NFIA: variants seen among roughly 807,000 people sequenced by gnomAD.
NFIA encodes nuclear factor 1 A-type.
In NFIA, 8 loss-of-function variants were observed where a neutral mutation model predicts 62.8. That is an observed-to-expected ratio of 0.13 (90% CI 0.07 to 0.23). The LOEUF (loss-of-function observed/expected upper bound fraction) is 0.23. Among genes scored for constraint, NFIA ranks in the 10% least tolerant of loss-of-function variants. NFIA has a pLI of 1.00. For missense variants in NFIA, 410 were observed against 642.1 expected (o/e 0.64, Z 3.91); for synonymous variants, 235 against 238.1 (o/e 0.99, Z 0.12).
At chr1:61,308,682 C>A (rs940661746) in intron 3 of NFIA, among the ~76,000 whole-genome samples, 1 of 152,182 alleles carries the variant, frequency 6.6e-6, no homozygotes, top group African/African-American at 2.4e-5. Flanking sequence ...TCAAGCAAAT[C>A]ATTTAAACTT....
At chr1:61,200,635 G>A (rs1466945005) in intron 2 of NFIA, among the ~76,000 whole-genome samples, 1 of 152,120 alleles carries the variant, frequency 6.6e-6, no homozygotes. Context: ...GTCATGTTGG[G>A]TAGACAAGAC....
chr1:61,392,952 G>T (rs1260311141), intron 7 of NFIA, among the ~76,000 whole-genome samples: 2 of 152,090 alleles, frequency 1.3e-5, no homozygotes, highest in African/African-American at 4.8e-5. Flanking sequence ...TGGTGCATGT[G>T]TGCGCACAGG....
chr1:61,229,504 T>C (rs1269790835), intron 2 of NFIA, among the ~76,000 whole-genome samples: 1 of 152,156 alleles, frequency 6.6e-6, no homozygotes, highest in Non-Finnish European at 1.5e-5. Flanking sequence ...TGATTTTGTT[T>C]GATAAGCTCA....
At chr1:61,236,780 T>C (rs888200246) in intron 2 of NFIA, among the ~76,000 whole-genome samples, 8 of 152,182 alleles carry the variant, frequency 5.3e-5, no homozygotes, top group African/African-American at 1.9e-4. Context: ...TAGGCAGATA[T>C]GGTCCATTTC....
At chr1:61,112,117 T>A (rs1209726190) in intron 2 of NFIA, among the ~76,000 whole-genome samples, 3 of 65,546 alleles carry the variant, frequency 4.6e-5, no homozygotes, top group East Asian at 4.3e-4. Context: ...TTGTCCAAAA[T>A]AGAAAGATTT....
intron 2 of NFIA, among the ~76,000 whole-genome samples, chr1:61,228,521 C>T (rs1654471008): frequency 6.6e-6 from 1 of 152,112 alleles, no homozygotes; most frequent in South Asian, 2.1e-4. Flanking sequence ...TAATAATGGC[C>T]AAAATGTGAC....
At chr1:61,422,940 G>T (rs1666700389) in intron 9 of NFIA, among the ~76,000 whole-genome samples, 5 of 152,052 alleles carry the variant, frequency 3.3e-5, no homozygotes, top group African/African-American at 1.2e-4. Context: ...AGGGAGGCAG[G>T]ACCGGTATTG....
At chr1:61,253,943 T>C (rs332834) in intron 2 of NFIA, among the ~76,000 whole-genome samples, 1 of 152,244 alleles carries the variant, frequency 6.6e-6, no homozygotes, top group African/African-American at 2.4e-5. Context: ...TTATTATTTT[T>C]AAAACTTTTT....
At chr1:61,342,321 G>C (rs1387667199) in intron 4 of NFIA, among the ~76,000 whole-genome samples, 25 of 152,084 alleles carry the variant, frequency 1.6e-4, no homozygotes. Context: ...CTTATGTTTA[G>C]CTTAGCCCTT....
intron 2 of NFIA, among the ~76,000 whole-genome samples, chr1:61,211,638 A>G (rs986083416): frequency 6.6e-6 from 1 of 152,212 alleles, no homozygotes; most frequent in African/African-American, 2.4e-5. Flanking sequence ...CCAATTAAAC[A>G]TGTTTTCTCC....
At chr1:61,368,093 A>G (rs1663688123) in intron 6 of NFIA, among the ~76,000 whole-genome samples, 1 of 152,262 alleles carries the variant, frequency 6.6e-6, no homozygotes, top group African/African-American at 2.4e-5. Context: ...AGCTCTCAGG[A>G]AAACAGATGC....
intron 7 of NFIA, among the ~76,000 whole-genome samples, chr1:61,390,973 A>G (rs1337978555): frequency 6.6e-6 from 1 of 152,236 alleles, no homozygotes; most frequent in Non-Finnish European, 1.5e-5. Flanking sequence ...ATTCAAATGC[A>G]TATATTCAGC....
At chr1:61,349,113 A>C (rs1032948251) in intron 4 of NFIA, among the ~76,000 whole-genome samples, 1 of 152,190 alleles carries the variant, frequency 6.6e-6, no homozygotes, top group Non-Finnish European at 1.5e-5. Flanking sequence ...TTCATACATA[A>C]AGATTACCTA....
intron 2 of NFIA, among the ~76,000 whole-genome samples, chr1:61,263,747 C>G (rs1447835714): frequency 1.3e-5 from 2 of 152,140 alleles, no homozygotes; most frequent in Non-Finnish European, 2.9e-5. Context: ...GTAATCCCAG[C>G]ACTTTGGGAG....
intron 2 of NFIA, among the ~76,000 whole-genome samples, chr1:61,164,449 G>GT (rs920848013): frequency 1.7e-4 from 26 of 151,500 alleles, no homozygotes; most frequent in South Asian, 1.5e-3. Flanking sequence ...GTTGTTATGT[G>GT]TTTTTTTTGT....
chr1:61,279,110 G>A (rs1215513882), intron 3 of NFIA, among the ~76,000 whole-genome samples: 1 of 152,054 alleles, frequency 6.6e-6, no homozygotes, highest in Non-Finnish European at 1.5e-5. Flanking sequence ...CATTGCTTGA[G>A]TCTCTTCCTT....
upstream of NFIA, chr1:61,081,997 GC>G (rs1466992527): frequency 7.7e-6 from 12 of 1,550,452 alleles, no homozygotes; most frequent in Non-Finnish European, 1.0e-5. Flanking sequence ...CCACGCGGTG[GC>G]CCGGGGGGTG....
At chr1:61,384,418 G>A (rs1664575785) in intron 7 of NFIA, among the ~76,000 whole-genome samples, 1 of 152,028 alleles carries the variant, frequency 6.6e-6, no homozygotes, top group Non-Finnish European at 1.5e-5. Context: ...GACCACTGTG[G>A]GAATGAAACT....
At position 61,226,302 on chromosome 1, in the gene NFIA, T is replaced by C. The variant is rs559549779; in HGVS notation, c.560-51218T>C. 2.0e-5 allele frequency among the ~76,000 whole-genome samples: 3 copies of C among 152,336 alleles called. No homozygotes were observed. In the East Asian group the frequency reaches 5.8e-4, roughly 29 times the overall value. On this transcript the variant is annotated intron_variant, in intron 2 of 10. Coordinates refer to ENST00000403491, the MANE Select transcript of NFIA (RefSeq NM_001134673.4). Reference sequence around the variant, plus strand: ...CTGTGTTTTAACGAGTCTCCAGATATGTATTTACATGATAGACCATACTAA... The same window carrying C: ...CTGTGTTTTAACGAGTCTCCAGATACGTATTTACATGATAGACCATACTAA...
Sources: allele counts gnomAD v4.1 joint callset (sites outside exome capture counted in the v4.1 genomes callset), GRCh38; gene constraint gnomAD v4.1.1; transcripts MANE v1.5; gene names NCBI Gene and HGNC (gene_info 2026-07-23, HGNC 2026-07-21).